Variants in INPP4B observed in about 807,000 individuals in gnomAD.
INPP4B encodes the protein inositol polyphosphate-4-phosphatase type II B.
Under a neutral mutation model 122.5 loss-of-function variants are expected in INPP4B, and 55 were observed. The ratio of observed to expected loss-of-function variants is 0.45; its 90% CI spans 0.36 to 0.56. The LOEUF is 0.56. Ranked by LOEUF, INPP4B falls within the 20% of genes least tolerant of loss-of-function variation. The pLI is 0.00. For synonymous variants in INPP4B, 403 were observed against 388.7 expected (o/e 1.04, Z -0.43); for missense variants, 1,000 against 1,097.7 (o/e 0.91, Z 1.26).
In INPP4B at chr4:142,405,262, C is replaced by A. The variant is rs773384747; in HGVS notation, c.199G>T (p.Val67Leu). The A allele has an allele frequency of 6.2e-7, 1 of 1,613,706 alleles. No individual in the cohort carries two copies. ...AGACTCTGCTCCACGGGGTGGATTA[C>A]GGAGATCTGCACCAGTGTATTCAGT... ...RKLNTLVQIS[V>L]IHPVEQSLTR... The change falls in exon 6 of 26, where the codon GTA becomes TTA. Residue 67 changes from valine (V) to leucine (L), a missense_variant. By Grantham distance (32) the Val-to-Leu change is conservative. Coordinates refer to ENST00000262992, the MANE Select transcript of INPP4B (RefSeq NM_001101669.3).
intron 7 of INPP4B, among the ~76,000 whole-genome samples, chr4:142,323,443 C>CTTTTT (rs144904107): frequency 1.7e-4 from 21 of 120,046 alleles, no homozygotes; most frequent in African/African-American, 6.2e-4. Flanking sequence ...GTTATGATGA[C>CTTTTT]TTTTTTTTTT....
chr4:142,694,345 C>T (rs995185776), intron 2 of INPP4B, among the ~76,000 whole-genome samples: 5 of 150,188 alleles, frequency 3.3e-5, no homozygotes, highest in Non-Finnish European at 5.9e-5. Context: ...TGCACTTTAG[C>T]CTGGGTGACA....
intron 16 of INPP4B, among the ~76,000 whole-genome samples, chr4:142,168,908 T>C (rs1824172428): frequency 6.6e-6 from 1 of 151,600 alleles, no homozygotes; most frequent in African/African-American, 2.4e-5. Context: ...AGGTTCCTTT[T>C]TGCTACAGCC....
intron 10 of INPP4B, among the ~76,000 whole-genome samples, chr4:142,264,522 T>C (rs72939287): frequency 2.9e-4 from 44 of 152,366 alleles, no homozygotes; most frequent in African/African-American, 1.0e-3. Flanking sequence ...CTTCTATTTC[T>C]ATGTGTGTAT....
chr4:142,764,030 G>C (rs897214022), intron 1 of INPP4B, among the ~76,000 whole-genome samples: 1 of 151,978 alleles, frequency 6.6e-6, no homozygotes, highest in Admixed American at 6.6e-5. Flanking sequence ...AGTTCAAAAA[G>C]TTATGACAGA....
intron 2 of INPP4B, among the ~76,000 whole-genome samples, chr4:142,539,156 AAT>A (rs5862601): frequency 0.23 from 34,641 of 147,622 alleles, 5,102 homozygotes; most frequent in East Asian, 0.78. Flanking sequence ...GAGATAATAA[AAT>A]ATATATATAT....
intron 2 of INPP4B, among the ~76,000 whole-genome samples, chr4:142,706,465 G>A (rs1762486376): frequency 6.6e-6 from 1 of 152,210 alleles, no homozygotes; most frequent in South Asian, 2.1e-4. Flanking sequence ...GGAGCATCCT[G>A]TCCTTTGTCT....
chr4:142,172,478 G>C (rs944070157), intron 16 of INPP4B, among the ~76,000 whole-genome samples: 1 of 151,880 alleles, frequency 6.6e-6, no homozygotes, highest in Non-Finnish European at 1.5e-5. Context: ...CCCTTTTCAC[G>C]ACAGAGGCAT....
chr4:142,069,266 G>T (rs184218612), intron 25 of INPP4B, among the ~76,000 whole-genome samples: 9 of 152,272 alleles, frequency 5.9e-5, no homozygotes, highest in Non-Finnish European at 1.2e-4. Context: ...CAGAAATAAA[G>T]ATGTTCTTTG....
intron 25 of INPP4B, among the ~76,000 whole-genome samples, chr4:142,042,242 T>G (rs949068662): frequency 1.3e-5 from 2 of 152,168 alleles, no homozygotes; most frequent in Admixed American, 1.3e-4. Flanking sequence ...ACAATGCTAG[T>G]GGCATAGTAA....
rs535787437 is a variant in INPP4B, at chr4:142,393,088, A to T, written c.372+9850T>A. On this transcript the variant is annotated intron_variant, in intron 7 of 25. Transcript: ENST00000262992. ...TGGTATCTTTTCAACTGGAATGACAAGAGCTGAAAGAAATGTAAGACCCTG... is the reference window on the plus strand; with the variant it reads ...TGGTATCTTTTCAACTGGAATGACATGAGCTGAAAGAAATGTAAGACCCTG... 8.5e-5 allele frequency among the ~76,000 whole-genome samples: 13 copies of T among 152,316 alleles called. No individual in the cohort carries two copies. In the East Asian group the frequency reaches 1.9e-3, roughly 23 times the overall value.
At chr4:142,626,238 A>G (rs532368870) in intron 2 of INPP4B, among the ~76,000 whole-genome samples, 2 of 152,096 alleles carry the variant, frequency 1.3e-5, no homozygotes, top group Non-Finnish European at 2.9e-5. Context: ...CAGAACTGTG[A>G]ACATGATGGA....
At chr4:142,439,006 G>T (rs930037040) in intron 3 of INPP4B, among the ~76,000 whole-genome samples, 4 of 152,048 alleles carry the variant, frequency 2.6e-5, no homozygotes, top group African/African-American at 9.7e-5. Flanking sequence ...GCACACTGTG[G>T]GACCATGGGG....
In INPP4B at chr4:142,514,792, C is replaced by CTTT. The variant is rs3078620; in HGVS notation, c.-190-52069_-190-52067dup. ...CCATCCCCTGCACACACCATGATTT[C>CTTT]TTTTTTTTTTTTTTTTTTTTTGAGA... On this transcript the variant is annotated intron_variant, in intron 2 of 25. Coordinates refer to ENST00000262992, the MANE Select transcript of INPP4B (RefSeq NM_001101669.3). 9.3e-3 allele frequency among the ~76,000 whole-genome samples: 1,128 copies of CTTT among 121,732 alleles called. 36 individuals are homozygous for CTTT. Among genetic ancestry groups the CTTT allele is most frequent in the African/African-American group, 0.025 (810 of 32,396 alleles). The allele number at this position is 121,732 out of a possible 152,430, so 79.9% of individuals were successfully genotyped here.
chr4:142,044,638 C>G (rs757036967), intron 25 of INPP4B, among the ~76,000 whole-genome samples: 9 of 151,982 alleles, frequency 5.9e-5, no homozygotes, highest in African/African-American at 1.2e-4. Flanking sequence ...AGAACCTCAC[C>G]CAGCCAATAG....
chr4:142,088,902 A>G (rs992584305), intron 23 of INPP4B, among the ~76,000 whole-genome samples: 1 of 152,202 alleles, frequency 6.6e-6, no homozygotes, highest in African/African-American at 2.4e-5. Context: ...AGTACACTGC[A>G]GGCTATGACA....
At chr4:142,785,580 GA>G (rs1775648325) in intron 1 of INPP4B, among the ~76,000 whole-genome samples, 2 of 151,900 alleles carry the variant, frequency 1.3e-5, no homozygotes, top group South Asian at 4.1e-4. Context: ...GCATGGTTGT[GA>G]AAAGAATCCG....
chr4:142,230,347 G>A (rs1338580701), intron 12 of INPP4B, among the ~76,000 whole-genome samples: 7 of 151,998 alleles, frequency 4.6e-5, no homozygotes, highest in Admixed American at 4.6e-4. Context: ...GACAGTAGAT[G>A]TAGAAAATAA....
chr4:142,251,297 T>G (rs1198695582), intron 11 of INPP4B, among the ~76,000 whole-genome samples: 1 of 152,200 alleles, frequency 6.6e-6, no homozygotes, highest in Non-Finnish European at 1.5e-5. Context: ...GGTGATAACC[T>G]GAATCAAGCT....
Sources: gnomAD v4.1 joint callset for allele counts (sites outside exome capture counted in the v4.1 genomes callset) on GRCh38, gnomAD v4.1.1 for gene constraint, MANE v1.5 for transcripts, NCBI Gene and HGNC (gene_info 2026-07-23, HGNC 2026-07-21) for gene names.